Variants in KRT23 observed in about 807,000 individuals in gnomAD.
KRT23 encodes keratin 23, also known as keratin, type I cytoskeletal 23.
A neutral mutation model predicts 47.6 loss-of-function variants in KRT23; 38 were observed. The observed-to-expected ratio is 0.80, with a 90% CI of 0.62 to 1.05. The LOEUF (loss-of-function observed/expected upper bound fraction) is 1.05. Ranked by LOEUF, KRT23 falls within the 50% of genes least tolerant of loss-of-function variation. The probability of loss-of-function intolerance (pLI) is 0.00; values close to 1 mark genes in which losing one functional copy is unlikely to be tolerated. For missense variants in KRT23, 503 were observed against 529.5 expected, an observed-to-expected ratio of 0.95 and a Z score of 0.49; for synonymous variants, 191 against 199.0, an observed-to-expected ratio of 0.96 and a Z score of 0.34.
At position 40,925,508 on chromosome 17, in the gene KRT23, G is replaced by A. The variant is rs779979540; in HGVS notation, c.988C>T (p.Gln330Ter). 6.2e-6 allele frequency: 10 copies of A among 1,614,038 alleles called. No individual in the cohort carries two copies. In the South Asian group the frequency reaches 9.9e-5, roughly 16 times the overall value. The change falls in exon 7 of 9, where the codon CAA becomes TAA. Residue 330 changes from glutamine to a stop codon, truncating the protein, a stop_gained. Coordinates refer to ENST00000209718, the MANE Select transcript of KRT23 (RefSeq NM_015515.5). LOFTEE classifies it high-confidence loss of function. ...SRYSCKLQDM[Q>*]EIISHYEEEL... ...TCCTCATAGTGGGAGATGATCTCTTGCATGTCCTGGAGCTTGCAGGAGTAC... is the reference window on the plus strand; with the variant it reads ...TCCTCATAGTGGGAGATGATCTCTTACATGTCCTGGAGCTTGCAGGAGTAC...
intron 7 of KRT23, among the ~76,000 whole-genome samples, chr17:40,924,891 G>A (rs184420279): frequency 5.3e-5 from 8 of 152,084 alleles, no homozygotes; most frequent in South Asian, 2.1e-4. Flanking sequence ...CCTTCCTTTC[G>A]GATCATAGAA....
In KRT23 at chr17:40,928,573, T is replaced by C. The variant is rs181367091; in HGVS notation, c.671A>G (p.Asn224Ser). 1.3e-5 allele frequency: 21 copies of C among 1,613,792 alleles called. No homozygotes were observed. The highest frequency in any genetic ancestry group is 7.7e-5 in the South Asian group (7 of 91,052). Residue 224 changes from asparagine (N) to serine (S), a missense_variant, in exon 5 of 9, where the codon AAT becomes AGT. Coordinates refer to ENST00000209718, the MANE Select transcript of KRT23 (RefSeq NM_015515.5). ...ACCTGTATCCACCTTCACATTGACA[T>C]TGAAGTCACTTGGCACATGATGCTT... ...MEKHHVPSDF[N>S]VNVKVDTGPR... is the part of the protein sequence containing the mutation.
chr17:40,934,011 G>A (rs755022171), intron 2 of KRT23, among the ~76,000 whole-genome samples: 38 of 152,298 alleles, frequency 2.5e-4, no homozygotes, highest in Non-Finnish European at 4.1e-4. Context: ...ATCATTCAAG[G>A]TGTTTTATTT....
intron 3 of KRT23, among the ~76,000 whole-genome samples, chr17:40,930,944 T>A (rs1455026147): frequency 1.3e-5 from 2 of 150,932 alleles, no homozygotes; most frequent in Non-Finnish European, 3.0e-5. Flanking sequence ...TAACACACAG[T>A]GCATTTGCCG....
At chr17:40,930,485 GC>G (rs1909583395) in intron 3 of KRT23, among the ~76,000 whole-genome samples, 1 of 152,108 alleles carries the variant, frequency 6.6e-6, no homozygotes, top group Non-Finnish European at 1.5e-5. Context: ...AAATAAACAG[GC>G]CGGGCACGGT....
intron 2 of KRT23, 25 bp from the exon 3 acceptor site, chr17:40,931,480 A>AAAGGTTATCTCAC (rs1470899094): frequency 1.3e-6 from 2 of 1,568,886 alleles, no homozygotes; most frequent in Non-Finnish European, 1.8e-6. Context: ...CAAAAGCACA[A>AAAGGTTATCTCAC]AAGGTTATCT....
chr17:40,928,663 T>C, intron 4 of KRT23, 56 bp from the exon 5 acceptor site: 5 of 1,527,028 alleles, frequency 3.3e-6, no homozygotes, highest in Non-Finnish European at 3.6e-6. Context: ...AAGGCTGGAT[T>C]GCCATGTTGA....
intron 6 of KRT23, among the ~76,000 whole-genome samples, chr17:40,926,104 C>A (rs993328963): frequency 2.6e-5 from 4 of 151,756 alleles, no homozygotes; most frequent in Non-Finnish European, 5.9e-5. Context: ...TAGTCTCAAG[C>A]AATGCTTTTT....
rs778206822 is a variant in KRT23 at position 40,936,550 on chromosome 17, G to A, written c.54C>T (p.Ala18=). 16 of 1,521,232 alleles carry A rather than the reference G, an allele frequency of 1.1e-5. No homozygotes were observed. The South Asian group carries it at 1.5e-4, about 14-fold the overall frequency. The allele number at this position is 1,521,232 out of a possible 1,614,324, so 94.2% of individuals were successfully genotyped here. A position where few individuals can be genotyped will look rare whatever the true frequency, so the allele number is the denominator to read the frequency against. ...SQTPSASFHG[A]GGGWGRPRSF... ...TCCTGGGCCGGCCCCAGCCACCTCCGGCGCCATGGAAGGAGGCCGAGGGGG... is the reference window on the plus strand; with the variant it reads ...TCCTGGGCCGGCCCCAGCCACCTCCAGCGCCATGGAAGGAGGCCGAGGGGG... The change falls in exon 2 of 9, where the codon GCC becomes GCT. Residue 18 remains alanine, a synonymous_variant. Coordinates refer to ENST00000209718, the MANE Select transcript of KRT23 (RefSeq NM_015515.5).
At chr17:40,931,292 G>A in intron 3 of KRT23, 81 bp downstream of exon 3, 1 of 1,014,450 alleles carries the variant, frequency 9.9e-7, no homozygotes, top group Admixed American at 1.7e-5. Context: ...TTACAGGTGT[G>A]AGCCACCGCG....
chr17:40,924,501 G>A lies in KRT23; in HGVS notation c.1145C>T (p.Thr382Ile). The A allele has an allele frequency of 6.2e-7, 1 of 1,612,886 alleles. No homozygotes were observed. The highest frequency in any genetic ancestry group is 2.2e-5 in the East Asian group (1 of 44,868). The part of the protein sequence containing the change: ...RRLLEGESEG[T>I]REESKSSMKV... ...CATGCTCGACTTTGATTCTTCCCGT[G>A]TCCTATAAAAGTGATAAAGGTTAAA... The change falls in exon 8 of 9, where the codon ACA becomes ATA. Residue 382 changes from threonine (T) to isoleucine (I), a missense_variant and splice_region_variant. Thr to Ile is a moderately conservative substitution (Grantham distance 89). Coordinates refer to ENST00000209718, the MANE Select transcript of KRT23 (RefSeq NM_015515.5).
In KRT23 at chr17:40,936,774, G is replaced by T; in HGVS notation, c.-171C>A. 1.7e-6 allele frequency: 1 copy of T among 576,824 alleles called. No homozygotes were observed. Among genetic ancestry groups the T allele is most frequent in the Non-Finnish European group, 2.7e-6 (1 of 366,610 alleles). The allele number at this position is 576,824 out of a possible 1,614,324, so 35.7% of individuals were successfully genotyped here. On this transcript the variant is annotated 5_prime_UTR_variant, in exon 2 of 9. Transcript: ENST00000209718. Reference sequence around the variant, plus strand: ...CATTGTGCAACTTGTGTTTCCTCTTGGTCAATCCCAAAGTGCCCCTGGGCC... The same window carrying T: ...CATTGTGCAACTTGTGTTTCCTCTTTGTCAATCCCAAAGTGCCCCTGGGCC...
rs1208564756 is a variant in KRT23 at position 40,936,409 on chromosome 17, G to A, written c.195C>T (p.Ser65=). 1 of 1,614,052 alleles carries A rather than the reference G, an allele frequency of 6.2e-7. No individual in the cohort carries two copies. Among genetic ancestry groups the A allele is most frequent in the Non-Finnish European group, 8.5e-7 (1 of 1,179,940 alleles). The change falls in exon 2 of 9, where the codon AGC becomes AGT. Residue 65 remains serine, a synonymous_variant. Coordinates refer to ENST00000209718, the MANE Select transcript of KRT23 (RefSeq NM_015515.5). ...CCTTCCCATTTCCGCCTAGTAGGGG[G>A]CTGCTTCTTCCAGAACCCCAAGACC... ...PGGSWGSGRS[S]PLLGGNGKAT...
At chr17:40,932,554 A>C (rs1909772427) in intron 2 of KRT23, among the ~76,000 whole-genome samples, 1 of 152,062 alleles carries the variant, frequency 6.6e-6, no homozygotes, top group Non-Finnish European at 1.5e-5. Context: ...GCATCACTCT[A>C]CTCTCCAGGC....
chr17:40,927,863 C>A (rs553856057), intron 6 of KRT23, among the ~76,000 whole-genome samples: 26 of 152,146 alleles, frequency 1.7e-4, no homozygotes, highest in African/African-American at 5.8e-4. Context: ...GTCTAGAATC[C>A]CCCTTCCTCC....
intron 4 of KRT23, among the ~76,000 whole-genome samples, chr17:40,929,008 C>T (rs139618377): frequency 0.011 from 1,205 of 109,624 alleles, 17 homozygotes; most frequent in African/African-American, 0.044. Context: ...GCCTGGGTGA[C>T]AGAGTGAGAC....
At chr17:40,925,844 A>C (rs1412648827) in intron 6 of KRT23, among the ~76,000 whole-genome samples, 3 of 152,194 alleles carry the variant, frequency 2.0e-5, no homozygotes, top group Admixed American at 2.0e-4. Context: ...AAAACTCCCA[A>C]AGAGCGACAG....
chr17:40,926,536 T>C (rs907343958), intron 6 of KRT23, among the ~76,000 whole-genome samples: 68 of 152,236 alleles, frequency 4.5e-4, no homozygotes, highest in Non-Finnish European at 7.3e-4. Flanking sequence ...AGGCACATAC[T>C]TGAATCTGCA....
Position 40,936,273 on chromosome 17 carries a change from T to C in KRT23, c.331A>G (p.Arg111Gly). ...ESRILKWHQQRDPGSKKDYSQ... is the reference protein window; with the variant it reads ...ESRILKWHQQGDPGSKKDYSQ... ...TAATCTTTCTTACTGCCAGGATCTC[T>C]CTGCTGGTGCCATTTCAGGATGCGG... The change falls in exon 2 of 9, where the codon AGA (arginine) becomes GGA (glycine). Residue 111 changes from arginine to glycine, a missense_variant. Transcript: ENST00000209718. The C allele has an allele frequency of 6.2e-7, 1 of 1,614,254 alleles. No individual in the cohort carries two copies. Among genetic ancestry groups the C allele is most frequent in the Non-Finnish European group, 8.5e-7 (1 of 1,180,042 alleles).
Sources: gnomAD v4.1 joint callset for allele counts (sites outside exome capture counted in the v4.1 genomes callset) on GRCh38, gnomAD v4.1.1 for gene constraint, MANE v1.5 for transcripts, NCBI Gene and HGNC (gene_info 2026-07-23, HGNC 2026-07-21) for gene names.